Variants in ZNF24 observed in about 807,000 individuals in gnomAD.
ZNF24 encodes the protein zinc finger protein 24, also known as retinoic acid suppression protein A.
Under a neutral mutation model 40.9 loss-of-function variants are expected in ZNF24, and 11 were observed. The observed-to-expected ratio is 0.27, with a 90% CI of 0.17 to 0.45. The LOEUF (loss-of-function observed/expected upper bound fraction) is 0.45, where lower values mean the gene tolerates loss of function less well. Among genes scored for constraint, ZNF24 ranks in the 20% least tolerant of loss-of-function variants. The pLI, the probability that ZNF24 is intolerant of heterozygous loss-of-function variation, is 1.00. For synonymous variants in ZNF24, 139 were observed against 154.7 expected (o/e 0.90, Z 0.75); for missense variants, 293 against 437.7 (o/e 0.67, Z 2.95).
Position 35,340,053 on chromosome 18 carries a change from T to G in ZNF24, c.421-77A>C. The G allele has an allele frequency of 6.5e-7, 1 of 1,539,254 alleles. No homozygotes were observed. Among genetic ancestry groups the G allele is most frequent in the Admixed American group, 1.8e-5 (1 of 54,092 alleles). On this transcript the variant is annotated intron_variant, in intron 2 of 3. Transcript: ENST00000261332. The surrounding 1 kb of genome is among the most constrained non-coding windows in gnomAD (Gnocchi z 4.6). Reference sequence around the variant, plus strand: ...CTAAAAACACGTAAGAGAAACCCCATGAAACAAATACTGCAGAAGCCTAGA... The same window carrying G: ...CTAAAAACACGTAAGAGAAACCCCAGGAAACAAATACTGCAGAAGCCTAGA...
At chr18:35,337,895 G>A in intron 3 of ZNF24, 125 bp from the exon 4 acceptor site, 1 of 736,984 alleles carries the variant, frequency 1.4e-6, no homozygotes, top group Non-Finnish European at 2.1e-6. Flanking sequence ...TGACACTGGT[G>A]TTAAGGCCTA....
chr18:35,340,041 A>T lies in ZNF24; in HGVS notation c.421-65T>A. 1 of 1,556,104 alleles carries T rather than the reference A, an allele frequency of 6.4e-7. No homozygotes were observed. Among genetic ancestry groups the T allele is most frequent in the Non-Finnish European group, 8.7e-7 (1 of 1,142,902 alleles). On this transcript the variant is annotated intron_variant, in intron 2 of 3. Transcript: ENST00000261332. This position sits in a 1 kb window ranked among gnomAD's most constrained non-coding sequence, Gnocchi z 4.6. Reference sequence around the variant, plus strand: ...TGAGAATCAGAACTAAAAACACGTAAGAGAAACCCCATGAAACAAATACTG... The same window carrying T: ...TGAGAATCAGAACTAAAAACACGTATGAGAAACCCCATGAAACAAATACTG...
rs1853844345 is a variant in ZNF24, at chr18:35,337,285, T to G, written c.1054A>C (p.Arg352=). ...TCTGCATTGTGTCTTCTCTGATGTC[T>G]AAAAAGATTTGAGCTTTGACTATAC... ...KSYSQSSNLF[R]HQRRHNAEKL... is the part of the protein sequence containing the mutation. The change falls in exon 4 of 4, where the codon AGA becomes CGA. Residue 352 remains arginine, a synonymous_variant. Coordinates refer to ENST00000261332, the MANE Select transcript of ZNF24 (RefSeq NM_006965.4). 21 of 1,571,634 alleles carry G rather than the reference T, an allele frequency of 1.3e-5. No homozygotes were observed. The highest frequency in any genetic ancestry group is 1.8e-5 in the Admixed American group (1 of 55,482).
chr18:35,338,928 A>G (rs879763083), intron 3 of ZNF24: 31 of 1,482,612 alleles, frequency 2.1e-5, no homozygotes, highest in Non-Finnish European at 2.8e-5. Context: ...CCCATGAAAC[A>G]TGTAAAACTG....
rs2044867804 is a variant in ZNF24, at chr18:35,332,532, T to C, written c.*4700A>G. On this transcript the variant is annotated 3_prime_UTR_variant, in exon 4 of 4. Coordinates refer to ENST00000261332, the MANE Select transcript of ZNF24 (RefSeq NM_006965.4). ...TCTCCTCAGACAGACTCTCTCCACA[T>C]GGCACAAATTCAGGCTTACATGGTC... 6.6e-6 allele frequency: 1 copy of C among 152,648 alleles called. No individual in the cohort carries two copies. The highest frequency in any genetic ancestry group is 2.1e-4 in the South Asian group (1 of 4,830). 9.5% of individuals were successfully genotyped at this position (152,648 alleles called of 1,614,324 possible). A position where few individuals can be genotyped will look rare whatever the true frequency, so the allele number is the denominator to read the frequency against.
intron 3 of ZNF24, among the ~76,000 whole-genome samples, chr18:35,339,432 AC>A (rs1452019504): frequency 6.6e-6 from 1 of 152,224 alleles, no homozygotes; most frequent in East Asian, 1.9e-4. Flanking sequence ...GTGATATACA[AC>A]AAAGAGATTA....
At chr18:35,338,997 C>A in intron 3 of ZNF24, 1 of 1,534,856 alleles carries the variant, frequency 6.5e-7, no homozygotes, top group Non-Finnish European at 8.7e-7. Context: ...ACTGTCCCCT[C>A]AGATGTGAAG....
chr18:35,343,390 A>T (rs901094204), intron 1 of ZNF24, among the ~76,000 whole-genome samples: 6 of 152,166 alleles, frequency 3.9e-5, no homozygotes, highest in African/African-American at 1.4e-4. Flanking sequence ...TTCTACCTTC[A>T]GTGAAACTGT....
intron 1 of ZNF24, chr18:35,342,423 C>A (rs1228892679): frequency 1.3e-5 from 2 of 152,112 alleles, no homozygotes; most frequent in Non-Finnish European, 2.9e-5. Flanking sequence ...TTTATATGGT[C>A]TATAGGAATG....
Position 35,337,212 on chromosome 18 carries a change from C to CT in ZNF24, c.*19dup, listed in dbSNP as rs371928337. 42,383 of 916,052 alleles carry CT rather than the reference C, an allele frequency of 0.046. 76 individuals carry two copies. The highest frequency in any genetic ancestry group is 0.074 in the African/African-American group (4,311 of 57,940). The allele number at this position is 916,052 out of a possible 1,614,324, so 56.7% of individuals were successfully genotyped here. A position where few individuals can be genotyped will look rare whatever the true frequency, so the allele number is the denominator to read the frequency against. ...GAAGAAAAAGACCTGAGTGCTGATT[C>CT]TTTTTTTTTTTTCAATTTCTTAAAC... On this transcript the variant is annotated 3_prime_UTR_variant, in exon 4 of 4. Transcript: ENST00000261332.
In ZNF24 at chr18:35,340,134, AC is replaced by A; in HGVS notation, c.420+96del. On this transcript the variant is annotated intron_variant, in intron 2 of 3. Transcript: ENST00000261332. This position sits in a 1 kb window ranked among gnomAD's most constrained non-coding sequence, Gnocchi z 4.6. Reference sequence around the variant, plus strand: ...TAGGGGAATGGGGGAAAAGGCATAAACATAATTCTAACTTAGTTGAGTGGAA... The same window carrying A: ...TAGGGGAATGGGGGAAAAGGCATAAAATAATTCTAACTTAGTTGAGTGGAA... The A allele has an allele frequency of 6.6e-7, 1 of 1,520,486 alleles. No individual in the cohort carries two copies. Among genetic ancestry groups the A allele is most frequent in the African/African-American group, 1.4e-5 (1 of 72,602 alleles). 94.2% of individuals were successfully genotyped at this position (1,520,486 alleles called of 1,614,324 possible).
At chr18:35,338,581 C>T in intron 3 of ZNF24, 1 of 988,004 alleles carries the variant, frequency 1.0e-6, no homozygotes, top group Non-Finnish European at 1.2e-6. Flanking sequence ...GAGTAAAGAT[C>T]CAGTTCATAT....
In ZNF24 at chr18:35,340,193, A is replaced by T. The variant is rs977346904; in HGVS notation, c.420+38T>A. The T allele has an allele frequency of 6.3e-7, 1 of 1,597,184 alleles. No individual in the cohort carries two copies. Among genetic ancestry groups the T allele is most frequent in the African/African-American group, 1.3e-5 (1 of 74,592 alleles). On this transcript the variant is annotated intron_variant, in intron 2 of 3. Coordinates refer to ENST00000261332, the MANE Select transcript of ZNF24 (RefSeq NM_006965.4). This position sits in a 1 kb window ranked among gnomAD's most constrained non-coding sequence, Gnocchi z 4.6. ...AGCAGCTTTGCCTACTACCTATGCC[A>T]GTGCTTCTGACACAGGAAATGACAC...
chr18:35,338,368 T>G, intron 3 of ZNF24: 1 of 985,362 alleles, frequency 1.0e-6, no homozygotes, highest in Non-Finnish European at 1.2e-6. Context: ...ATGCCCCTAA[T>G]AAATGAAAGT....
At chr18:35,339,522 C>T (rs545991364) in intron 3 of ZNF24, among the ~76,000 whole-genome samples, 1 of 152,130 alleles carries the variant, frequency 6.6e-6, no homozygotes, top group Non-Finnish European at 1.5e-5. Context: ...AAACAGATGA[C>T]AAGTAATACT....
Position 35,340,803 on chromosome 18 carries a change from A to G in ZNF24, c.-83-70T>C. ...CTAAGAATTTGAACTTATACTGGTA[A>G]AAGTAAAAGATACTTGTTCTTTGAG... On this transcript the variant is annotated intron_variant, in intron 1 of 3. Transcript: ENST00000261332. This position sits in a 1 kb window ranked among gnomAD's most constrained non-coding sequence, Gnocchi z 4.6. 1.5e-6 allele frequency: 1 copy of G among 676,116 alleles called. No individual in the cohort carries two copies. The highest frequency in any genetic ancestry group is 2.4e-5 in the South Asian group (1 of 42,438). 41.9% of individuals were successfully genotyped at this position (676,116 alleles called of 1,614,324 possible).
intron 1 of ZNF24, among the ~76,000 whole-genome samples, chr18:35,342,186 C>A (rs930676771): frequency 1.2e-4 from 18 of 149,618 alleles, no homozygotes; most frequent in Admixed American, 5.3e-4. Flanking sequence ...CAGAGCGAGA[C>A]TCTGTCTATA....
intron 3 of ZNF24, among the ~76,000 whole-genome samples, chr18:35,339,548 G>A (rs1178501458): frequency 1.3e-5 from 2 of 152,100 alleles, no homozygotes; most frequent in African/African-American, 4.8e-5. Context: ...CAAAATAGAG[G>A]GACTTGGTCC....
At chr18:35,342,369 A>G (rs1479118616) in intron 1 of ZNF24, 3 of 152,190 alleles carry the variant, frequency 2.0e-5, no homozygotes. Flanking sequence ...TTATTGAAGA[A>G]AAATGTTTTC....
Sources: allele counts gnomAD v4.1 joint callset (sites outside exome capture counted in the v4.1 genomes callset), GRCh38; gene constraint gnomAD v4.1.1; non-coding constraint Gnocchi (gnomAD v3.1); transcripts MANE v1.5; gene names NCBI Gene and HGNC (gene_info 2026-07-23, HGNC 2026-07-21).